TTC28: variants seen among roughly 807,000 people sequenced by gnomAD.
TTC28 encodes tetratricopeptide repeat domain 28.
TTC28 carries 61 observed loss-of-function variants against 198.0 expected under a neutral mutation model. The ratio of observed to expected loss-of-function variants is 0.31; its 90% confidence interval spans 0.25 to 0.38. The LOEUF (loss-of-function observed/expected upper bound fraction) is 0.38, where lower values mean the gene tolerates loss of function less well. Among genes scored for constraint, TTC28 ranks in the 10% least tolerant of loss-of-function variants. TTC28 has a pLI of 1.00. For synonymous variants in TTC28, 1,171 were observed against 1,297.8 expected, an observed-to-expected ratio of 0.90 and a Z score of 2.10; for missense variants, 2,678 against 3,164.0, an observed-to-expected ratio of 0.85 and a Z score of 3.69.
intron 2 of TTC28, among the ~76,000 whole-genome samples, chr22:28,475,755 A>G (rs1191261691): frequency 6.6e-6 from 1 of 152,238 alleles, no homozygotes; most frequent in Non-Finnish European, 1.5e-5. Flanking sequence ...CAAGTTTATA[A>G]ATGCCACAGT....
rs545313599 is a variant in TTC28, at chr22:28,648,842, G to C, written c.103-19012C>G. On this transcript the variant is annotated intron_variant, in intron 1 of 22. Coordinates refer to ENST00000397906, the MANE Select transcript of TTC28 (RefSeq NM_001145418.2). The stretch of plus-strand genomic sequence containing the variant: ...GAGAATTGCTGGAGCCTATGAGGCA[G>C]AGGTTGCAGTGAGCCGAGATCACGC... 5.1e-4 allele frequency among the ~76,000 whole-genome samples: 77 copies of C among 152,290 alleles called. 1 individual carries two copies. In the South Asian group the frequency reaches 0.015, roughly 30 times the overall value.
intron 2 of TTC28, among the ~76,000 whole-genome samples, chr22:28,367,662 C>A (rs1419482143): frequency 1.3e-5 from 2 of 151,730 alleles, no homozygotes; most frequent in Non-Finnish European, 2.9e-5. Flanking sequence ...ACTAAATTGA[C>A]AAACCTTTAG....
Position 28,297,645 on chromosome 22 carries a change from G to C in TTC28, c.737C>G (p.Ser246Cys), listed in dbSNP as rs763145296. 6.4e-7 allele frequency: 1 copy of C among 1,551,678 alleles called. No homozygotes were observed. The highest frequency in any genetic ancestry group is 2.4e-5 in the East Asian group (1 of 40,920). ...VFSALSSAYW[S>C]LGNTEKSTGY... ...GGTGCTCTTCTCTGTATTTCCAAGA[G>C]ACCAGTAAGCACTGCTCAGGGCAGA... is the stretch of plus-strand genomic sequence containing the variant. Residue 246 changes from serine (S) to cysteine (C), a missense_variant, in exon 4 of 23, where the codon TCT becomes TGT. Coordinates refer to ENST00000397906, the MANE Select transcript of TTC28 (RefSeq NM_001145418.2).
intron 2 of TTC28, among the ~76,000 whole-genome samples, chr22:28,473,741 C>G (rs1236165861): frequency 6.6e-6 from 1 of 152,166 alleles, no homozygotes; most frequent in African/African-American, 2.4e-5. Context: ...CTGGGCTAAG[C>G]CCCACTTTGG....
In TTC28 at chr22:27,985,303, G is replaced by C. The variant is rs1937173180; in HGVS notation, c.5761C>G (p.Gln1921Glu). ...AAGTGCACAGTCCGTCGATTAGCTT[G>C]CTTCCCGGTTTTCAGGATTACTTCC... ...QEEVILKTGK[Q>E]ANRRTVHFAL... The change falls in exon 22 of 23, where the codon CAA (glutamine) becomes GAA (glutamate). Residue 1921 changes from glutamine (Q) to glutamate (E), a missense_variant. Coordinates refer to ENST00000397906, the MANE Select transcript of TTC28 (RefSeq NM_001145418.2). The C allele has an allele frequency of 4.5e-6, 7 of 1,551,472 alleles. No homozygotes were observed. The highest frequency in any genetic ancestry group is 6.1e-6 in the Non-Finnish European group (7 of 1,146,938).
At chr22:28,166,581 A>G (rs1601415728) in intron 5 of TTC28, among the ~76,000 whole-genome samples, 1 of 152,272 alleles carries the variant, frequency 6.6e-6, no homozygotes, top group East Asian at 1.9e-4. Context: ...TACTGGGTAC[A>G]TAACGAAATG....
intron 2 of TTC28, among the ~76,000 whole-genome samples, chr22:28,346,201 A>C (rs536192070): frequency 6.6e-6 from 1 of 152,350 alleles, no homozygotes; most frequent in South Asian, 2.1e-4. Context: ...AAGGTAGTTA[A>C]GATTTGAGAC....
intron 5 of TTC28, among the ~76,000 whole-genome samples, chr22:28,177,262 A>G (rs901034040): frequency 6.6e-6 from 1 of 152,248 alleles, no homozygotes; most frequent in African/African-American, 2.4e-5. Context: ...GATGTTCAAC[A>G]TCATATGTCA....
chr22:27,997,763 C>A (rs944661853), intron 16 of TTC28: 5 of 152,328 alleles, frequency 3.3e-5, no homozygotes, highest in African/African-American at 1.2e-4. Flanking sequence ...ACAGTCCCGG[C>A]TGGCCGAGAG....
intron 2 of TTC28, among the ~76,000 whole-genome samples, chr22:28,369,420 A>G (rs1353025828): frequency 6.6e-6 from 1 of 152,222 alleles, no homozygotes; most frequent in Non-Finnish European, 1.5e-5. Context: ...TGTCAACTAC[A>G]GAAATATTTG....
intron 2 of TTC28, among the ~76,000 whole-genome samples, chr22:28,558,889 G>C (rs534569211): frequency 6.6e-6 from 1 of 151,718 alleles, no homozygotes; most frequent in Non-Finnish European, 1.5e-5. Flanking sequence ...ACAAAAATTA[G>C]CTGGGTATGG....
intron 5 of TTC28, among the ~76,000 whole-genome samples, chr22:28,262,152 G>A (rs1455217423): frequency 6.6e-6 from 1 of 152,084 alleles, no homozygotes; most frequent in Non-Finnish European, 1.5e-5. Context: ...ATACCTGGAA[G>A]CAAAGTTGGG....
intron 5 of TTC28, among the ~76,000 whole-genome samples, chr22:28,211,710 TAGAC>T (rs1332243852): frequency 1.3e-5 from 2 of 152,058 alleles, no homozygotes; most frequent in African/African-American, 4.8e-5. Context: ...CTGTCAACAT[TAGAC>T]AGATCAACGA....
At chr22:28,591,525 GGTAAATA>G (rs2050435574) in intron 2 of TTC28, among the ~76,000 whole-genome samples, 1 of 151,964 alleles carries the variant, frequency 6.6e-6, no homozygotes, top group Non-Finnish European at 1.5e-5. Context: ...TGACTCAGCT[GGTAAATA>G]GAGATTCTGA....
chr22:28,570,683 C>A (rs1026704213), intron 2 of TTC28, among the ~76,000 whole-genome samples: 5 of 152,004 alleles, frequency 3.3e-5, no homozygotes, highest in Non-Finnish European at 7.4e-5. Flanking sequence ...TACCCCCAAT[C>A]CTAAAATAAA....
chr22:28,132,220 G>T (rs752194032), intron 6 of TTC28, among the ~76,000 whole-genome samples: 27 of 152,210 alleles, frequency 1.8e-4, no homozygotes, highest in Non-Finnish European at 4.0e-4. Context: ...AAGGTGTCCT[G>T]TTGGAGGCCA....
At chr22:28,606,503 C>G (rs1314450360) in intron 2 of TTC28, among the ~76,000 whole-genome samples, 1 of 151,926 alleles carries the variant, frequency 6.6e-6, no homozygotes, top group Admixed American at 6.6e-5. Flanking sequence ...TGTAAAAGGT[C>G]TCAAAAAATA....
At chr22:28,085,397 T>C (rs1390788185) in intron 12 of TTC28, among the ~76,000 whole-genome samples, 2 of 152,136 alleles carry the variant, frequency 1.3e-5, no homozygotes, top group East Asian at 1.9e-4. Context: ...CAGAATTTCA[T>C]ATCCAGCCAA....
chr22:28,151,412 T>C (rs1411626038), intron 6 of TTC28, among the ~76,000 whole-genome samples: 2 of 152,162 alleles, frequency 1.3e-5, no homozygotes, highest in African/African-American at 4.8e-5. Context: ...TTTTGCAGCC[T>C]CTCTTGCAAC....
Sources: gnomAD v4.1 joint callset for allele counts (sites outside exome capture counted in the v4.1 genomes callset) on GRCh38, gnomAD v4.1.1 for gene constraint, MANE v1.5 for transcripts, NCBI Gene and HGNC (gene_info 2026-07-23, HGNC 2026-07-21) for gene names.